Variants in SGCD observed in about 807,000 individuals in gnomAD.
SGCD encodes delta-sarcoglycan.
SGCD carries 18 observed loss-of-function variants against 36.6 expected under a neutral mutation model. The observed-to-expected ratio is 0.49, with a 90% CI of 0.34 to 0.73. The LOEUF is 0.73. SGCD is among the 30% of genes least tolerant of loss of function. The pLI, the probability that SGCD is intolerant of heterozygous loss-of-function variation, is 0.01. For synonymous variants in SGCD, 133 were observed against 130.6 expected, an observed-to-expected ratio of 1.02 and a Z score of -0.12; for missense variants, 387 against 346.7, an observed-to-expected ratio of 1.12 and a Z score of -0.92.
intron 3 of SGCD, among the ~76,000 whole-genome samples, chr5:156,428,177 G>C (rs551439515): frequency 6.6e-6 from 1 of 151,884 alleles, no homozygotes; most frequent in Non-Finnish European, 1.5e-5. Flanking sequence ...GACTTTTTTT[G>C]TTGGTAGGTA....
chr5:156,154,748 T>C (rs1299955426), intron 3 of SGCD, among the ~76,000 whole-genome samples: 2 of 151,706 alleles, frequency 1.3e-5, no homozygotes, highest in Non-Finnish European at 2.9e-5. Flanking sequence ...GCTCTTAAAC[T>C]GTGCTTGACT....
At chr5:155,782,885 T>C in the SGCD span, among the ~76,000 whole-genome samples, 1 of 151,980 alleles carries the variant, frequency 6.6e-6, no homozygotes, top group African/African-American at 2.4e-5. Flanking sequence ...AGTGGAAAAA[T>C]TGTCTTCCAT....
At chr5:156,328,101 A>G (rs2127700386) in intron 1 of SGCD, among the ~76,000 whole-genome samples, 1 of 152,310 alleles carries the variant, frequency 6.6e-6, no homozygotes, top group Non-Finnish European at 1.5e-5. Flanking sequence ...AAGTTTTAAA[A>G]ATTTTCAGCA....
Position 155,885,394 on chromosome 5 carries a change from G to T in SGCD, c.-282+14970G>T, listed in dbSNP as rs565791998. ...AGTAGGGAGGGGAAGTTGGTGGGTA[G>T]AGAGAAACCACTTGAAAACAGCTTA... On this transcript the variant is annotated intron_variant, in intron 1 of 9. Transcript: ENST00000517913. Among the ~76,000 whole-genome samples the T allele has an allele frequency of 4.8e-4, 56 of 116,362 alleles. 18 individuals are homozygous for T. Among genetic ancestry groups the T allele is most frequent in the African/African-American group, 2.0e-3 (45 of 22,908 alleles). 76.3% of individuals were successfully genotyped at this position (116,362 alleles called of 152,430 possible).
rs1773507676 is a variant in SGCD, at chr5:156,423,407, T to TATAAG, written c.192+78734_192+78735insGATAA. ...TATAATATATTATATTTTATTATAA[T>TATAAG]ATAATATATTATATTTTAATAAAAT... On this transcript the variant is annotated intron_variant, in intron 3 of 8. Coordinates refer to ENST00000337851, the MANE Select transcript of SGCD (RefSeq NM_000337.6). 1.7e-4 allele frequency among the ~76,000 whole-genome samples: 21 copies of TATAAG among 121,716 alleles called. No individual in the cohort carries two copies. The South Asian group carries it at 4.3e-3, about 25-fold the overall frequency. The allele number at this position is 121,716 out of a possible 152,430, so 79.9% of individuals were successfully genotyped here.
At chr5:156,217,904 C>A (rs775249885) in intron 3 of SGCD, among the ~76,000 whole-genome samples, 1 of 151,676 alleles carries the variant, frequency 6.6e-6, no homozygotes, top group Non-Finnish European at 1.5e-5. Flanking sequence ...AAAATCATGG[C>A]CAGAATCTTG....
chr5:156,520,273 CA>C (rs113601248), intron 4 of SGCD, among the ~76,000 whole-genome samples: 35,728 of 152,018 alleles, frequency 0.24, 4,760 homozygotes, highest in Non-Finnish European at 0.31. Flanking sequence ...ACAATTGCTA[CA>C]AAGAGAATAA....
At chr5:156,118,438 G>A (rs563049184) in intron 2 of SGCD, among the ~76,000 whole-genome samples, 2 of 152,256 alleles carry the variant, frequency 1.3e-5, no homozygotes, top group East Asian at 3.9e-4. Context: ...ATTAGAAAAT[G>A]TCAGACTTGA....
chr5:155,891,588 C>T (rs1050478418), intron 1 of SGCD, among the ~76,000 whole-genome samples: 33 of 35,476 alleles, frequency 9.3e-4, no homozygotes, highest in African/African-American at 4.7e-3. Flanking sequence ...GGTGACATTA[C>T]TTGGTCAAAC....
At chr5:156,525,672 C>T (rs773363861) in intron 4 of SGCD, among the ~76,000 whole-genome samples, 1 of 152,000 alleles carries the variant, frequency 6.6e-6, no homozygotes, top group Non-Finnish European at 1.5e-5. Flanking sequence ...TGTCATAGAG[C>T]TTTGCCCCTA....
At chr5:156,285,097 T>C (rs909317429) in intron 3 of SGCD, among the ~76,000 whole-genome samples, 11 of 152,012 alleles carry the variant, frequency 7.2e-5, no homozygotes, top group African/African-American at 2.4e-4. Flanking sequence ...AATAAAATAC[T>C]TAGGAATCCA....
intron 3 of SGCD, among the ~76,000 whole-genome samples, chr5:156,272,534 C>G (rs974160078): frequency 6.6e-6 from 1 of 152,128 alleles, no homozygotes; most frequent in Non-Finnish European, 1.5e-5. Flanking sequence ...ATTTTCCATT[C>G]ACATGAAGTC....
chr5:155,835,510 TTTC>T, the SGCD span, among the ~76,000 whole-genome samples: 6 of 152,048 alleles, frequency 3.9e-5, no homozygotes, highest in African/African-American at 1.2e-4. Context: ...ACACATGACT[TTTC>T]TTCTCTTTCA....
intron 3 of SGCD, among the ~76,000 whole-genome samples, chr5:156,271,362 A>G (rs904491672): frequency 6.6e-6 from 1 of 152,108 alleles, no homozygotes; most frequent in Non-Finnish European, 1.5e-5. Context: ...GCATTGGTCT[A>G]CAGGTTCGTC....
chr5:155,930,131 A>C (rs1380461379), intron 1 of SGCD, among the ~76,000 whole-genome samples: 4 of 152,182 alleles, frequency 2.6e-5, no homozygotes, highest in Non-Finnish European at 5.9e-5. Flanking sequence ...CTCTTGCCAA[A>C]GTTAAAACAC....
intron 1 of SGCD, among the ~76,000 whole-genome samples, chr5:155,919,308 T>C (rs1270148204): frequency 6.6e-6 from 1 of 152,230 alleles, no homozygotes; most frequent in Non-Finnish European, 1.5e-5. Flanking sequence ...ACATCTGTTT[T>C]TCCACTTATT....
chr5:156,573,813 C>A (rs1270470403), intron 4 of SGCD, among the ~76,000 whole-genome samples: 1 of 152,114 alleles, frequency 6.6e-6, no homozygotes, highest in African/African-American at 2.4e-5. Flanking sequence ...CTCAACTCTG[C>A]CTCCCCAGTA....
chr5:156,258,494 G>A (rs1038836415), intron 3 of SGCD, among the ~76,000 whole-genome samples: 4 of 152,128 alleles, frequency 2.6e-5, no homozygotes, highest in African/African-American at 9.7e-5. Context: ...AGAATCTACT[G>A]CTAATTGGGT....
chr5:156,070,140 T>C (rs961415129), intron 1 of SGCD, among the ~76,000 whole-genome samples: 5 of 148,732 alleles, frequency 3.4e-5, no homozygotes, highest in Non-Finnish European at 7.4e-5. Context: ...CCTGCCTCAT[T>C]GCCCTGGCCA....
Sources: gnomAD v4.1 joint callset for allele counts (sites outside exome capture counted in the v4.1 genomes callset) on GRCh38, gnomAD v4.1.1 for gene constraint, MANE v1.5 for transcripts, NCBI Gene and HGNC (gene_info 2026-07-23, HGNC 2026-07-21) for gene names.